Variants in ZNF521 observed in about 807,000 individuals in gnomAD.
The protein encoded by ZNF521 is LYST-interacting protein 3.
ZNF521 carries 14 observed loss-of-function variants against 105.5 expected under a neutral mutation model. The ratio of observed to expected loss-of-function variants is 0.13; its 90% CI spans 0.09 to 0.21. The LOEUF is 0.21. ZNF521 is among the 10% of genes least tolerant of loss of function. The probability of loss-of-function intolerance (pLI) is 1.00; values close to 1 mark genes in which losing one functional copy is unlikely to be tolerated. For synonymous variants in ZNF521, 635 were observed against 606.0 expected, an observed-to-expected ratio of 1.05 and a Z score of -0.70; for missense variants, 1,233 against 1,629.7, an observed-to-expected ratio of 0.76 and a Z score of 4.19.
At chr18:25,221,596 C>T (rs549395282) in intron 4 of ZNF521, among the ~76,000 whole-genome samples, 18 of 152,266 alleles carry the variant, frequency 1.2e-4, no homozygotes, top group African/African-American at 4.3e-4. Context: ...GAAAATACCA[C>T]CTATGTTGCT....
At chr18:25,302,505 G>A (rs55798606) in intron 3 of ZNF521, among the ~76,000 whole-genome samples, 2,313 of 152,244 alleles carry the variant, frequency 0.015, 56 homozygotes, top group African/African-American at 0.053. Flanking sequence ...GAGTTCCCAC[G>A]GTTAAATAAG....
chr18:25,167,836 G>A (rs781080770), intron 5 of ZNF521, among the ~76,000 whole-genome samples: 31 of 152,092 alleles, frequency 2.0e-4, no homozygotes, highest in Non-Finnish European at 3.5e-4. Context: ...GTGCTGTTCC[G>A]CTCCCTCATT....
In ZNF521 at chr18:25,129,415, G is replaced by A. The variant is rs117364550; in HGVS notation, c.3659-37334C>T. 1.9e-4 allele frequency among the ~76,000 whole-genome samples: 29 copies of A among 151,522 alleles called. No individual in the cohort carries two copies. The East Asian group carries it at 3.5e-3, about 18-fold the overall frequency. The stretch of plus-strand genomic sequence containing the variant: ...AAGACAACAGGAAAATCTAGGTACC[G>A]GGTGTTTGGCAATAAATTTTTAGAT... On this transcript the variant is annotated intron_variant, in intron 5 of 7. Coordinates refer to ENST00000361524, the MANE Select transcript of ZNF521 (RefSeq NM_015461.3).
intron 7 of ZNF521, among the ~76,000 whole-genome samples, chr18:25,085,644 C>CATAT (rs35430945): frequency 8.5e-6 from 1 of 117,130 alleles, no homozygotes; most frequent in Non-Finnish European, 1.9e-5. Context: ...TATACATCCC[C>CATAT]ATATATATAT....
intron 2 of ZNF521, chr18:25,345,155 C>G (rs768131849): frequency 5.3e-5 from 8 of 152,174 alleles, no homozygotes; most frequent in Non-Finnish European, 8.8e-5. Flanking sequence ...GAGGCAGGTA[C>G]AAATGTTCCT....
intron 3 of ZNF521, among the ~76,000 whole-genome samples, chr18:25,310,142 G>T (rs980047904): frequency 2.0e-5 from 3 of 151,986 alleles, no homozygotes; most frequent in Non-Finnish European, 4.4e-5. Flanking sequence ...ATCAAAATGG[G>T]CACAACTCCA....
At chr18:25,232,320 T>G (rs553256869) in intron 3 of ZNF521, among the ~76,000 whole-genome samples, 1 of 152,354 alleles carries the variant, frequency 6.6e-6, no homozygotes, top group South Asian at 2.1e-4. Flanking sequence ...CAAAGACTAG[T>G]GAATGTTTCT....
intron 4 of ZNF521, among the ~76,000 whole-genome samples, chr18:25,207,930 G>C (rs772005393): frequency 2.0e-5 from 3 of 152,162 alleles, no homozygotes; most frequent in Non-Finnish European, 4.4e-5. Context: ...TCCCAACCAA[G>C]CTTCTGCTCC....
chr18:25,273,178 G>A (rs1441110779), intron 3 of ZNF521, among the ~76,000 whole-genome samples: 3 of 119,826 alleles, frequency 2.5e-5, no homozygotes, highest in African/African-American at 9.6e-5. Flanking sequence ...AGTGAGCCGA[G>A]ATCGCTCCTC....
chr18:25,197,389 T>A (rs2035920422), intron 4 of ZNF521, among the ~76,000 whole-genome samples: 1 of 151,856 alleles, frequency 6.6e-6, no homozygotes, highest in Non-Finnish European at 1.5e-5. Flanking sequence ...ATATGCAAAT[T>A]GGGATGTGTT....
chr18:25,331,049 C>A (rs1488878301), intron 2 of ZNF521, among the ~76,000 whole-genome samples: 1 of 152,172 alleles, frequency 6.6e-6, no homozygotes, highest in Non-Finnish European at 1.5e-5. Context: ...TTGGCATGAG[C>A]CTTTCTTCTT....
At chr18:25,229,111 A>G (rs1032606202) in intron 3 of ZNF521, among the ~76,000 whole-genome samples, 18 of 152,240 alleles carry the variant, frequency 1.2e-4, no homozygotes, top group Non-Finnish European at 2.6e-4. Context: ...TTCACTAGCA[A>G]GCTAAATGAT....
At chr18:25,150,222 C>A (rs942554338) in intron 5 of ZNF521, among the ~76,000 whole-genome samples, 3 of 152,114 alleles carry the variant, frequency 2.0e-5, no homozygotes, top group African/African-American at 4.8e-5. Flanking sequence ...TAAGTGGGAA[C>A]TAAGCTATAA....
At chr18:25,111,047 G>C (rs1305057210) in intron 5 of ZNF521, among the ~76,000 whole-genome samples, 7 of 152,014 alleles carry the variant, frequency 4.6e-5, no homozygotes, top group African/African-American at 1.7e-4. Flanking sequence ...ACAGGCGTGA[G>C]CCACCACACC....
intron 3 of ZNF521, among the ~76,000 whole-genome samples, chr18:25,309,027 G>A (rs528329863): frequency 1.1e-3 from 166 of 152,262 alleles, no homozygotes; most frequent in Non-Finnish European, 2.0e-3. Flanking sequence ...CTCCATCTGT[G>A]AGTGACCATT....
chr18:25,129,264 T>TAAC (rs1331453392), intron 5 of ZNF521, among the ~76,000 whole-genome samples: 14 of 79,850 alleles, frequency 1.8e-4, no homozygotes, highest in African/African-American at 4.5e-4. Context: ...ATAATAATAA[T>TAAC]AATTATTATT....
chr18:25,155,468 G>C (rs2035126389), intron 5 of ZNF521, among the ~76,000 whole-genome samples: 1 of 152,084 alleles, frequency 6.6e-6, no homozygotes, highest in African/African-American at 2.4e-5. Flanking sequence ...AGGGTTTTTA[G>C]TGTGATATCC....
At chr18:25,311,115 T>C (rs1912282665) in intron 3 of ZNF521, among the ~76,000 whole-genome samples, 1 of 152,092 alleles carries the variant, frequency 6.6e-6, no homozygotes, top group South Asian at 2.1e-4. Context: ...CCTTGAAGTT[T>C]AAAGGAACTA....
At chr18:25,137,680 ATG>A (rs374261774) in intron 5 of ZNF521, among the ~76,000 whole-genome samples, 11 of 152,128 alleles carry the variant, frequency 7.2e-5, no homozygotes, top group African/African-American at 2.7e-4. Flanking sequence ...GACAGAGCAC[ATG>A]TGTGTGCACA....
Sources: gnomAD v4.1 joint callset for allele counts (sites outside exome capture counted in the v4.1 genomes callset) on GRCh38, gnomAD v4.1.1 for gene constraint, MANE v1.5 for transcripts, NCBI Gene and HGNC (gene_info 2026-07-23, HGNC 2026-07-21) for gene names.